The following CNTNAP2 variants were observed in gnomAD, a reference collection of about 807,000 sequenced individuals.
The protein encoded by CNTNAP2 is contactin associated protein 2.
A neutral mutation model predicts 155.2 loss-of-function variants in CNTNAP2; 98 were observed. The observed-to-expected ratio is 0.63, with a 90% CI of 0.54 to 0.75. CNTNAP2 has a LOEUF of 0.75. CNTNAP2 is among the 30% of genes least tolerant of loss of function. The pLI is 0.00. For synonymous variants in CNTNAP2, 651 were observed against 631.2 expected (o/e 1.03, Z -0.47); for missense variants, 1,727 against 1,688.1 (o/e 1.02, Z -0.40).
intron 15 of CNTNAP2, among the ~76,000 whole-genome samples, chr7:148,074,423 G>T (rs1160802979): frequency 6.6e-6 from 1 of 152,150 alleles, no homozygotes; most frequent in East Asian, 1.9e-4. Context: ...AGACCCGGTG[G>T]CTCACACCTG....
intron 1 of CNTNAP2, among the ~76,000 whole-genome samples, chr7:146,260,316 A>G (rs1049098365): frequency 9.9e-5 from 15 of 152,226 alleles, no homozygotes; most frequent in Non-Finnish European, 1.8e-4. Context: ...CTGAACACAG[A>G]GTCCCCACCT....
At chr7:146,834,241 T>C (rs1803573368) in intron 2 of CNTNAP2, among the ~76,000 whole-genome samples, 1 of 152,206 alleles carries the variant, frequency 6.6e-6, no homozygotes, top group Admixed American at 6.5e-5. Context: ...ATTCCTCTTT[T>C]GTCTGACTTA....
chr7:146,798,292 G>T (rs1423840073), intron 2 of CNTNAP2, among the ~76,000 whole-genome samples: 2 of 150,764 alleles, frequency 1.3e-5, no homozygotes, highest in Admixed American at 6.6e-5. Flanking sequence ...AAAAAAAAAA[G>T]ACTTTTTTTG....
intron 1 of CNTNAP2, among the ~76,000 whole-genome samples, chr7:146,548,906 G>A (rs972162344): frequency 2.0e-5 from 3 of 149,320 alleles, no homozygotes; most frequent in Non-Finnish European, 4.4e-5. Flanking sequence ...CTGTGCTTTA[G>A]GTGTCAGAGT....
At chr7:146,310,149 A>G (rs531079141) in intron 1 of CNTNAP2, among the ~76,000 whole-genome samples, 14 of 152,180 alleles carry the variant, frequency 9.2e-5, no homozygotes, top group Non-Finnish European at 5.9e-5. Flanking sequence ...AGCAGGTACA[A>G]TATCTTTGAA....
intron 1 of CNTNAP2, among the ~76,000 whole-genome samples, chr7:146,457,501 T>TGA (rs1417793208): frequency 1.2e-4 from 1 of 8,152 alleles, no homozygotes; most frequent in African/African-American, 4.4e-4. Flanking sequence ...TATATATATA[T>TGA]ATATATATAT....
chr7:147,475,051 T>A (rs781242105), intron 10 of CNTNAP2, among the ~76,000 whole-genome samples: 103 of 152,212 alleles, frequency 6.8e-4, no homozygotes, highest in Non-Finnish European at 1.2e-3. Flanking sequence ...TTGTGTCTTA[T>A]CAGTACACAT....
chr7:146,357,996 CTTTA>C (rs889037369), intron 1 of CNTNAP2, among the ~76,000 whole-genome samples: 1 of 150,246 alleles, frequency 6.7e-6, no homozygotes. Context: ...TTCTGGGCAG[CTTTA>C]TTTATTTATT....
intron 1 of CNTNAP2, among the ~76,000 whole-genome samples, chr7:146,394,991 T>C (rs1208597762): frequency 6.6e-6 from 1 of 152,206 alleles, no homozygotes; most frequent in Non-Finnish European, 1.5e-5. Flanking sequence ...GCATGTGGTA[T>C]TTGACTTTAT....
chr7:147,266,096 C>A (rs1584830770), intron 8 of CNTNAP2, among the ~76,000 whole-genome samples: 1 of 152,176 alleles, frequency 6.6e-6, no homozygotes, highest in African/African-American at 2.4e-5. Flanking sequence ...CAAACAATCA[C>A]AATACCTCTC....
intron 3 of CNTNAP2, among the ~76,000 whole-genome samples, chr7:146,857,429 G>T (rs1013191158): frequency 6.6e-6 from 1 of 152,124 alleles, no homozygotes; most frequent in Non-Finnish European, 1.5e-5. Context: ...TCGTTTGTTT[G>T]TTTTAACAGG....
At chr7:147,819,060 A>C (rs1798321256) in intron 13 of CNTNAP2, among the ~76,000 whole-genome samples, 1 of 152,274 alleles carries the variant, frequency 6.6e-6, no homozygotes, top group East Asian at 1.9e-4. Context: ...GTTTACAGGT[A>C]ATTTAAGCTT....
intron 15 of CNTNAP2, among the ~76,000 whole-genome samples, chr7:148,062,582 A>T (rs573145088): frequency 6.6e-6 from 1 of 152,312 alleles, no homozygotes; most frequent in African/African-American, 2.4e-5. Context: ...CATTCTTCTA[A>T]GATATAAATG....
At chr7:146,810,444 G>A (rs2129193594) in intron 2 of CNTNAP2, among the ~76,000 whole-genome samples, 1 of 151,450 alleles carries the variant, frequency 6.6e-6, no homozygotes, top group Admixed American at 6.6e-5. Context: ...TTGTTTAGAT[G>A]CTATTATCAT....
intron 9 of CNTNAP2, among the ~76,000 whole-genome samples, chr7:147,324,780 A>ATTTTGT (rs1455670588): frequency 6.6e-6 from 1 of 150,898 alleles, no homozygotes; most frequent in African/African-American, 2.4e-5. Context: ...CTGGGGGGGC[A>ATTTTGT]TTTTGTTTTT....
At chr7:146,329,801 A>G (rs548348665) in intron 1 of CNTNAP2, among the ~76,000 whole-genome samples, 2 of 152,218 alleles carry the variant, frequency 1.3e-5, no homozygotes, top group Admixed American at 1.3e-4. Flanking sequence ...AAGGCATTCT[A>G]TGTACAACTG....
intron 4 of CNTNAP2, among the ~76,000 whole-genome samples, chr7:147,087,873 A>G (rs1800313891): frequency 6.6e-6 from 1 of 152,174 alleles, no homozygotes; most frequent in Non-Finnish European, 1.5e-5. Context: ...GCTACTTGGG[A>G]GGCTGAGGCA....
At chr7:147,868,133 G>A (rs1047926467) in intron 13 of CNTNAP2, among the ~76,000 whole-genome samples, 6 of 152,024 alleles carry the variant, frequency 3.9e-5, no homozygotes, top group Admixed American at 2.6e-4. Context: ...TGGGGTTTTG[G>A]TGTGGATATC....
intron 1 of CNTNAP2, among the ~76,000 whole-genome samples, chr7:146,734,332 A>G (rs906033849): frequency 1.7e-4 from 26 of 152,206 alleles, no homozygotes; most frequent in Non-Finnish European, 2.9e-4. Context: ...TTCAAAAAGC[A>G]TGTTAGGAGT....
Sources: gnomAD v4.1 joint callset for allele counts (sites outside exome capture counted in the v4.1 genomes callset) on GRCh38, gnomAD v4.1.1 for gene constraint, MANE v1.5 for transcripts, NCBI Gene and HGNC (gene_info 2026-07-23, HGNC 2026-07-21) for gene names.